Variants in ADCK1 observed in about 807,000 individuals in gnomAD.
ADCK1 encodes aarF domain containing kinase 1, also known as aarF domain-containing protein kinase 1.
ADCK1 carries 41 observed loss-of-function variants against 52.3 expected under a neutral mutation model. The observed-to-expected ratio is 0.78, with a 90% CI of 0.61 to 1.02. The LOEUF (loss-of-function observed/expected upper bound fraction) is 1.02, where lower values mean the gene tolerates loss of function less well. ADCK1 is among the 50% of genes least tolerant of loss of function. The pLI, the probability that ADCK1 is intolerant of heterozygous loss-of-function variation, is 0.00. For missense variants in ADCK1, 658 were observed against 679.5 expected, an observed-to-expected ratio of 0.97 and a Z score of 0.35; for synonymous variants, 250 against 274.6, an observed-to-expected ratio of 0.91 and a Z score of 0.89.
chr14:77,804,550 G>C (rs1005094311), intron 1 of ADCK1, among the ~76,000 whole-genome samples: 13 of 151,460 alleles, frequency 8.6e-5, no homozygotes, highest in African/African-American at 3.2e-4. Flanking sequence ...GCATACAGGG[G>C]ACAGGTGTGG....
At chr14:77,830,859 A>C (rs951093087) in intron 3 of ADCK1, among the ~76,000 whole-genome samples, 2 of 152,176 alleles carry the variant, frequency 1.3e-5, no homozygotes, top group Non-Finnish European at 2.9e-5. Flanking sequence ...CTGTGGTATC[A>C]GATGATTCAG....
At chr14:77,877,289 ACATTTGCTGTGTGG>A (rs2082922144) in intron 4 of ADCK1, among the ~76,000 whole-genome samples, 1 of 152,232 alleles carries the variant, frequency 6.6e-6, no homozygotes, top group African/African-American at 2.4e-5. Context: ...TAGCTTAGGC[ACATTTGCTGTGTGG>A]CATTTTGCTA....
chr14:77,888,611 G>A (rs2083213787), intron 5 of ADCK1, among the ~76,000 whole-genome samples: 2 of 152,242 alleles, frequency 1.3e-5, no homozygotes, highest in Non-Finnish European at 2.9e-5. Context: ...AGTGAGGAGT[G>A]TAATGGGAGT....
chr14:77,881,640 T>A (rs908041859), intron 4 of ADCK1, among the ~76,000 whole-genome samples: 1 of 152,194 alleles, frequency 6.6e-6, no homozygotes, highest in African/African-American at 2.4e-5. Context: ...TGCAGTGGTT[T>A]CTCACCCTTT....
intron 7 of ADCK1, among the ~76,000 whole-genome samples, chr14:77,918,111 C>T (rs530974783): frequency 1.3e-5 from 2 of 152,192 alleles, no homozygotes; most frequent in Non-Finnish European, 2.9e-5. Flanking sequence ...GTGTGTTAGC[C>T]ATCATTATTT....
chr14:77,930,608 G>A (rs1427145938), intron 9 of ADCK1, among the ~76,000 whole-genome samples: 1 of 152,188 alleles, frequency 6.6e-6, no homozygotes, highest in Admixed American at 6.5e-5. Context: ...GACTGCCTGG[G>A]TTCACGTCCC....
In ADCK1 at chr14:77,887,162, A is replaced by G; in HGVS notation, c.495A>G (p.Ala165=). The change falls in exon 5 of 11, where the codon GCA becomes GCG. Residue 165 remains alanine, a synonymous_variant. Coordinates refer to ENST00000238561, the MANE Select transcript of ADCK1 (RefSeq NM_020421.4). The part of the protein sequence containing the change: ...GTASLAQVHK[A]VLHDGRTVAV... ...CCTCCCTGGCCCAGGTCCACAAGGC[A>G]GTGCTGCATGATGGGCGGACGGTGG... 1 of 1,610,518 alleles carries G rather than the reference A, an allele frequency of 6.2e-7. No individual in the cohort carries two copies. Among genetic ancestry groups the G allele is most frequent in the Non-Finnish European group, 8.5e-7 (1 of 1,178,332 alleles).
intron 5 of ADCK1, among the ~76,000 whole-genome samples, chr14:77,898,438 A>T (rs930231910): frequency 1.3e-5 from 2 of 152,234 alleles, no homozygotes; most frequent in Non-Finnish European, 2.9e-5. Context: ...GTAGATATAC[A>T]CCATGGAATA....
intron 7 of ADCK1, among the ~76,000 whole-genome samples, chr14:77,921,326 C>CAAAAAAAAAAAAAAAAAAAAAAAAAAA (rs756056466): frequency 3.2e-4 from 13 of 41,212 alleles, no homozygotes; most frequent in African/African-American, 4.1e-4. Flanking sequence ...GACTCTGTCT[C>CAAAAAAAAAAAAAAAAAAAAAAAAAAA]AAAAAAAAAA....
chr14:77,828,596 G>A (rs766518697), intron 3 of ADCK1, among the ~76,000 whole-genome samples: 206 of 152,206 alleles, frequency 1.4e-3, no homozygotes, highest in Non-Finnish European at 2.0e-3. Flanking sequence ...GTGCAGTGGC[G>A]TGGTCTCAGC....
At position 77,925,921 on chromosome 14, in the gene ADCK1, T is replaced by A. The variant is rs767260513; in HGVS notation, c.1166T>A (p.Val389Asp). Residue 389 changes from valine (V) to aspartate (D), a missense_variant, in exon 9 of 11, where the codon GTC becomes GAC. Transcript: ENST00000238561. Reference protein sequence around the residue: ...CMLTARSWDSVNRGISQAPVT... With the variant: ...CMLTARSWDSDNRGISQAPVT... Reference sequence around the variant, plus strand: ...CTGACGGCGCGATCGTGGGACTCGGTCAACAGAGGCATCAGCCAAGCTCCC... The same window carrying A: ...CTGACGGCGCGATCGTGGGACTCGGACAACAGAGGCATCAGCCAAGCTCCC... 4.3e-6 allele frequency: 7 copies of A among 1,614,026 alleles called. No homozygotes were observed. The Admixed American group carries it at 1.2e-4, about 27-fold the overall frequency.
At chr14:77,875,035 C>T (rs907865496) in intron 4 of ADCK1, among the ~76,000 whole-genome samples, 4 of 152,064 alleles carry the variant, frequency 2.6e-5, no homozygotes. Context: ...AAAGATAAGG[C>T]TGGAGAGCTG....
intron 2 of ADCK1, among the ~76,000 whole-genome samples, chr14:77,820,718 C>T (rs1367648946): frequency 6.6e-6 from 1 of 150,962 alleles, no homozygotes; most frequent in Non-Finnish European, 1.5e-5. Flanking sequence ...GGTTAAAAAA[C>T]AATCCAAATC....
intron 4 of ADCK1, among the ~76,000 whole-genome samples, chr14:77,871,384 G>A (rs151035004): frequency 2.1e-3 from 321 of 152,072 alleles, no homozygotes; most frequent in African/African-American, 7.2e-3. Flanking sequence ...TTGAGACAGA[G>A]TCTCACTCAG....
In ADCK1 at chr14:77,897,295, G is replaced by A. The variant is rs557829089; in HGVS notation, c.583-1805G>A. Among the ~76,000 whole-genome samples the A allele has an allele frequency of 2.9e-4, 44 of 152,246 alleles. 2 individuals are homozygous for A. The South Asian group carries it at 8.7e-3, about 30-fold the overall frequency. ...AGCAGGAGAGCTTATGGGAGGTCAG[G>A]GCCCTTCTGTTTCCCTCCCAGAATT... On this transcript the variant is annotated intron_variant, in intron 5 of 10. Coordinates refer to ENST00000238561, the MANE Select transcript of ADCK1 (RefSeq NM_020421.4).
chr14:77,929,416 G>A (rs2084271209), intron 9 of ADCK1, among the ~76,000 whole-genome samples: 1 of 152,186 alleles, frequency 6.6e-6, no homozygotes, highest in Non-Finnish European at 1.5e-5. Context: ...CTAGAGGCAG[G>A]AATAAGGCGC....
At chr14:77,838,289 A>G (rs949856049) in intron 3 of ADCK1, among the ~76,000 whole-genome samples, 2 of 152,240 alleles carry the variant, frequency 1.3e-5, no homozygotes, top group African/African-American at 4.8e-5. Flanking sequence ...CTGTTGACTG[A>G]TAACAGCAAG....
At position 77,933,359 on chromosome 14, in the gene ADCK1, C is replaced by T. The variant is rs150193216; in HGVS notation, c.1540C>T (p.Leu514=). 1.2e-6 allele frequency: 2 copies of T among 1,614,006 alleles called. No individual in the cohort carries two copies. The highest frequency in any genetic ancestry group is 1.7e-6 in the Non-Finnish European group (2 of 1,180,030). Residue 514 remains leucine, a synonymous_variant, in exon 11 of 11, where the codon CTA becomes TTA. Coordinates refer to ENST00000238561, the MANE Select transcript of ADCK1 (RefSeq NM_020421.4). ...GAAGCTGGCTGACCGGGTCTTGGCC[C>T]TAATATGCTGGCTGTTCCCTGCTCC... ...GLKLADRVLA[L]ICWLFPAPL
At chr14:77,868,733 A>G (rs2082714415) in intron 4 of ADCK1, among the ~76,000 whole-genome samples, 1 of 152,030 alleles carries the variant, frequency 6.6e-6, no homozygotes, top group Admixed American at 6.6e-5. Context: ...GGCCCCATTC[A>G]CTAACCCCGG....
Sources: allele counts gnomAD v4.1 joint callset (sites outside exome capture counted in the v4.1 genomes callset), GRCh38; gene constraint gnomAD v4.1.1; transcripts MANE v1.5; gene names NCBI Gene and HGNC (gene_info 2026-07-23, HGNC 2026-07-21).